GTF2H2: variants seen among roughly 807,000 people sequenced by gnomAD.
The protein encoded by GTF2H2 is general transcription factor IIH subunit 2, also known as TFIIH basal transcription factor complex p44 subunit.
Under a neutral mutation model 16.5 loss-of-function variants are expected in GTF2H2, and 2 were observed. The observed-to-expected ratio is 0.12, with a 90% CI of 0.05 to 0.38. The LOEUF is 0.38. Ranked by LOEUF, GTF2H2 falls within the 10% of genes least tolerant of loss-of-function variation. The pLI is 0.99. For missense variants in GTF2H2, 20 were observed against 137.0 expected, an observed-to-expected ratio of 0.15 and a Z score of 4.26; for synonymous variants, 8 against 44.1, an observed-to-expected ratio of 0.18 and a Z score of 3.24.
In GTF2H2 at chr5:71,061,313, TAAAATTATAC is replaced by T. The variant is rs1753601986; in HGVS notation, c.135-15_135-6del. 1 of 1,537,648 alleles carries T rather than the reference TAAAATTATAC, an allele frequency of 6.5e-7. No homozygotes were observed. The highest frequency in any genetic ancestry group is 1.4e-5 in the African/African-American group (1 of 71,394). ...TGTCCATGGTGCTCAAATACTCTGT[TAAAATTATAC>T]AAACATTTTAATGTAATTCCATATA... On this transcript the variant is annotated splice_polypyrimidine_tract_variant and splice_region_variant and intron_variant, in intron 3 of 15. Coordinates refer to ENST00000274400, the Ensembl canonical transcript of GTF2H2.
intron 8 of GTF2H2, among the ~76,000 whole-genome samples, chr5:71,054,683 ACT>A (rs1181369365): frequency 7.4e-6 from 1 of 135,724 alleles, no homozygotes; most frequent in Non-Finnish European, 1.6e-5. Flanking sequence ...ACAGAGCAAG[ACT>A]CTGTCTCGAA....
At chr5:71,058,634 T>C (rs1352017408) in intron 7 of GTF2H2, 1 of 94,582 alleles carries the variant, frequency 1.1e-5, no homozygotes, top group Non-Finnish European at 2.2e-5. Context: ...CCTTTGAACA[T>C]AGCCCAAAAT....
At chr5:71,046,079 T>C (rs1752320243) in intron 11 of GTF2H2, among the ~76,000 whole-genome samples, 3 of 137,868 alleles carry the variant, frequency 2.2e-5, no homozygotes. Flanking sequence ...GTAATTTGTT[T>C]TCCATATACA....
rs199506737 is a variant in GTF2H2 at position 71,054,811 on chromosome 5, G to C, written c.470+541C>G. On this transcript the variant is annotated intron_variant, in intron 8 of 15. Transcript: ENST00000274400. ...ATATGTAAGTTTAACATATATATAAGCTTTATATATATATGTATAATAAAT... is the reference window on the plus strand; with the variant it reads ...ATATGTAAGTTTAACATATATATAACCTTTATATATATATGTATAATAAAT... Among the ~76,000 whole-genome samples, 38 of 119,012 alleles carry C rather than the reference G, an allele frequency of 3.2e-4. 2 individuals carry two copies. The East Asian group carries it at 8.7e-3, about 27-fold the overall frequency. The allele number at this position is 119,012 out of a possible 152,430, so 78.1% of individuals were successfully genotyped here. A position where few individuals can be genotyped will look rare whatever the true frequency, so the allele number is the denominator to read the frequency against.
intron 8 of GTF2H2, among the ~76,000 whole-genome samples, chr5:71,052,749 TA>T (rs1393285572): frequency 4.1e-5 from 2 of 48,324 alleles, no homozygotes; most frequent in Admixed American, 5.4e-4. Context: ...GAATTTCCAT[TA>T]TTTTTTTCTT....
At chr5:71,063,139 CAT>C (rs955917981) in intron 1 of GTF2H2, among the ~76,000 whole-genome samples, 2 of 108,852 alleles carry the variant, frequency 1.8e-5, no homozygotes, top group Non-Finnish European at 3.5e-5. Flanking sequence ...AGCTGAGTGA[CAT>C]GTGATTCATT....
At chr5:71,045,962 T>C (rs1194719432) in intron 11 of GTF2H2, among the ~76,000 whole-genome samples, 1 of 144,194 alleles carries the variant, frequency 6.9e-6, no homozygotes, top group Non-Finnish European at 1.5e-5. Flanking sequence ...TTTAAAGAGG[T>C]TGTAATTTTT....
At chr5:71,059,394 A>G (rs1245962471) in intron 7 of GTF2H2, 2 of 78,846 alleles carry the variant, frequency 2.5e-5, no homozygotes, top group African/African-American at 9.7e-5. Flanking sequence ...ATCTCCAAAA[A>G]AAAAAAAAAA....
At chr5:71,048,218 AAAT>A (rs1752534880) in intron 10 of GTF2H2, 105 bp from the exon 11 acceptor site, 1 of 255,868 alleles carries the variant, frequency 3.9e-6, no homozygotes, top group African/African-American at 5.2e-5. Context: ...TACATTTTTA[AAAT>A]AATGATTTTA....
chr5:71,044,099 C>T (rs1245387899), intron 12 of GTF2H2, among the ~76,000 whole-genome samples: 1 of 138,380 alleles, frequency 7.2e-6, no homozygotes, highest in East Asian at 2.1e-4. Context: ...TTTCTTTTTG[C>T]CTCTGGTTCC....
rs1266618811 is a variant in GTF2H2, at chr5:71,055,241, A to G, written c.470+111T>C. ...ATAAATAACACTACATAATTCTTGT[A>G]CTTAACAATTTTGTTATAGCTGGGT... On this transcript the variant is annotated intron_variant, in intron 8 of 15. Transcript: ENST00000274400. 1.8e-6 allele frequency: 2 copies of G among 1,090,612 alleles called. 1 individual carries two copies. The highest frequency in any genetic ancestry group is 3.6e-5 in the African/African-American group (2 of 55,990). 67.6% of individuals were successfully genotyped at this position (1,090,612 alleles called of 1,614,324 possible).
chr5:71,059,379 A>G, intron 7 of GTF2H2: 1 of 96,504 alleles, frequency 1.0e-5, no homozygotes, highest in Non-Finnish European at 2.0e-5. Flanking sequence ...ACAGAGCAAG[A>G]CTCCATCTCC....
intron 11 of GTF2H2, among the ~76,000 whole-genome samples, chr5:71,047,103 CTTATTTTATTT>C (rs1752428436): frequency 8.9e-6 from 1 of 111,856 alleles, no homozygotes; most frequent in African/African-American, 3.3e-5. Context: ...AATTTTGTAG[CTTATTTTATTT>C]TTATTTTATT....
intron 8 of GTF2H2, among the ~76,000 whole-genome samples, chr5:71,054,420 C>T (rs887586926): frequency 9.6e-5 from 14 of 145,838 alleles, no homozygotes; most frequent in South Asian, 2.1e-4. Flanking sequence ...TGAGCCAGGG[C>T]GGACTATCCA....
At position 71,058,387 on chromosome 5, in the gene GTF2H2, C is replaced by T. The variant is rs1201069008; in HGVS notation, c.364+1303G>A. The T allele has an allele frequency of 3.9e-5, 5 of 128,360 alleles. 1 individual carries two copies. Among genetic ancestry groups the T allele is most frequent in the African/African-American group, 6.1e-5 (2 of 33,056 alleles). The allele number at this position is 128,360 out of a possible 1,614,324, so 8.0% of individuals were successfully genotyped here. A position where few individuals can be genotyped will look rare whatever the true frequency, so the allele number is the denominator to read the frequency against. On this transcript the variant is annotated intron_variant, in intron 7 of 15. Coordinates refer to ENST00000274400, the Ensembl canonical transcript of GTF2H2. ...CCTGCTCTGGGCATCAGCAGGCAATCGAAGCGTACAAACAAAATACTTCAT... is the reference window on the plus strand; with the variant it reads ...CCTGCTCTGGGCATCAGCAGGCAATTGAAGCGTACAAACAAAATACTTCAT...
intron 8 of GTF2H2, among the ~76,000 whole-genome samples, chr5:71,051,164 CTCTT>C (rs1475518931): frequency 1.4e-4 from 19 of 131,880 alleles, no homozygotes; most frequent in African/African-American, 5.3e-4. Flanking sequence ...ATATTTTGAC[CTCTT>C]TCTATGAATG....
At chr5:71,061,360 C>A (rs761077337) in intron 3 of GTF2H2, 52 bp from the exon 4 acceptor site, 59 of 1,409,778 alleles carry the variant, frequency 4.2e-5, no homozygotes, top group South Asian at 4.2e-4. Context: ...TATCCCCCCC[C>A]ACAAAAAAAA....
intron 1 of GTF2H2, among the ~76,000 whole-genome samples, chr5:71,064,036 CAG>C (rs1191595662): frequency 1.7e-5 from 2 of 118,212 alleles, no homozygotes; most frequent in African/African-American, 6.1e-5. Context: ...ACCCGGAAGG[CAG>C]AGAGGTTGCA....
At chr5:71,058,509 G>A (rs1311189015) in intron 7 of GTF2H2, 1 of 142,974 alleles carries the variant, frequency 7.0e-6, no homozygotes, top group East Asian at 2.0e-4. Flanking sequence ...CGGGTACAAT[G>A]TAGACTGGGA....
Sources: gnomAD v4.1 joint callset for allele counts (sites outside exome capture counted in the v4.1 genomes callset) on GRCh38, gnomAD v4.1.1 for gene constraint, MANE v1.5 for transcripts, NCBI Gene and HGNC (gene_info 2026-07-23, HGNC 2026-07-21) for gene names.